Variants in NAV1 observed in about 807,000 individuals in gnomAD.
NAV1 encodes neuron navigator 1, also known as pore membrane and/or filament interacting like protein 3.
A neutral mutation model predicts 175.2 loss-of-function variants in NAV1; 18 were observed. The observed-to-expected ratio is 0.10, with a 90% CI of 0.07 to 0.15. The LOEUF is 0.15. Ranked by LOEUF, NAV1 falls within the 10% of genes least tolerant of loss-of-function variation. The probability of loss-of-function intolerance (pLI) is 1.00; values close to 1 mark genes in which losing one functional copy is unlikely to be tolerated. For synonymous variants in NAV1, 897 were observed against 978.7 expected (o/e 0.92, Z 1.56); for missense variants, 1,731 against 2,436.6 (o/e 0.71, Z 6.10).
intron 1 of NAV1, among the ~76,000 whole-genome samples, chr1:201,551,020 C>T (rs1421548531): frequency 6.6e-6 from 1 of 152,244 alleles, no homozygotes; most frequent in East Asian, 1.9e-4. Flanking sequence ...CTCTCGTTTA[C>T]TCTTCATGGC....
In NAV1 at chr1:201,732,288, G is replaced by A. The variant is rs560344790; in HGVS notation, c.1226+13533G>A. Among the ~76,000 whole-genome samples, 4 of 152,208 alleles carry A rather than the reference G, an allele frequency of 2.6e-5. No individual in the cohort carries two copies. The South Asian group carries it at 8.3e-4, about 32-fold the overall frequency. ...CGATGCTATTTTTAATCCATGCTAA[G>A]TTTAAAATGTAATACAGGCTAATTC... On this transcript the variant is annotated intron_variant, in intron 3 of 29. Transcript: ENST00000367296.
At chr1:201,670,960 G>A (rs924563949) in intron 1 of NAV1, among the ~76,000 whole-genome samples, 2 of 152,172 alleles carry the variant, frequency 1.3e-5, no homozygotes, top group African/African-American at 2.4e-5. Context: ...GGTGCTGGTA[G>A]CACCAATGGT....
At chr1:201,657,134 G>A (rs1168589036) in intron 1 of NAV1, among the ~76,000 whole-genome samples, 1 of 152,220 alleles carries the variant, frequency 6.6e-6, no homozygotes, top group Non-Finnish European at 1.5e-5. Context: ...AAAAGAATCA[G>A]TAATCTAATG....
chr1:201,801,790 T>G (rs899387604), intron 15 of NAV1, among the ~76,000 whole-genome samples: 1 of 152,156 alleles, frequency 6.6e-6, no homozygotes, highest in South Asian at 2.1e-4. Context: ...TGCCTTTGCT[T>G]CAGAATTTCC....
chr1:201,658,102 A>G (rs1370994928), intron 1 of NAV1, among the ~76,000 whole-genome samples: 2 of 152,124 alleles, frequency 1.3e-5, no homozygotes, highest in African/African-American at 2.4e-5. Flanking sequence ...CTTAACCCCT[A>G]TGGTAACCTG....
rs913741076 is a variant in NAV1 at position 201,723,367 on chromosome 1, C to T, written c.1226+4612C>T. 3 of 152,162 alleles carry T rather than the reference C, an allele frequency of 2.0e-5. No homozygotes were observed. The East Asian group carries it at 5.8e-4, about 29-fold the overall frequency. 9.4% of individuals were successfully genotyped at this position (152,162 alleles called of 1,614,324 possible). ...TGTATGATTTGGAGATATTTTCTTT[C>T]ATTCTGTGTATTGGGTTTCCTTTTC... is the stretch of plus-strand genomic sequence containing the variant. On this transcript the variant is annotated intron_variant, in intron 3 of 29. Coordinates refer to ENST00000367296, the Ensembl canonical transcript of NAV1.
intron 1 of NAV1, among the ~76,000 whole-genome samples, chr1:201,708,911 G>T (rs923692360): frequency 6.6e-6 from 1 of 152,238 alleles, no homozygotes; most frequent in Non-Finnish European, 1.5e-5. Context: ...CACTTTGGGG[G>T]GCTGAGTCAG....
intron 2 of NAV1, among the ~76,000 whole-genome samples, chr1:201,640,418 T>A (rs1668717994): frequency 6.6e-6 from 1 of 152,192 alleles, no homozygotes; most frequent in Non-Finnish European, 1.5e-5. Context: ...TCTCCTTTTT[T>A]TTCAGCAAGT....
intron 1 of NAV1, among the ~76,000 whole-genome samples, chr1:201,577,182 A>G (rs1466995543): frequency 1.3e-5 from 2 of 152,158 alleles, no homozygotes; most frequent in Admixed American, 1.3e-4. Context: ...CTCTTTCTGT[A>G]TTATAAGTGC....
chr1:201,720,631 A>G (rs969893971), intron 3 of NAV1, among the ~76,000 whole-genome samples: 2 of 151,946 alleles, frequency 1.3e-5, no homozygotes, highest in African/African-American at 4.8e-5. Context: ...AAACTGGTTC[A>G]CCTCCCCAGG....
intron 1 of NAV1, among the ~76,000 whole-genome samples, chr1:201,543,549 A>G (rs899570595): frequency 1.8e-4 from 27 of 152,050 alleles, no homozygotes; most frequent in African/African-American, 6.3e-4. Flanking sequence ...CCCTGTAAAA[A>G]GACAACAAAA....
chr1:201,697,103 G>A (rs1671223342), intron 1 of NAV1, among the ~76,000 whole-genome samples: 1 of 152,088 alleles, frequency 6.6e-6, no homozygotes, highest in Admixed American at 6.6e-5. Context: ...AGCTAACCTA[G>A]CTCCTTCTTG....
chr1:201,584,062 A>G (rs1571832629), intron 1 of NAV1, among the ~76,000 whole-genome samples: 1 of 152,244 alleles, frequency 6.6e-6, no homozygotes, highest in Non-Finnish European at 1.5e-5. Context: ...TGTACAATGC[A>G]ATTTGGGAAG....
chr1:201,757,459 A>C (rs999978415), intron 3 of NAV1, among the ~76,000 whole-genome samples: 1 of 152,102 alleles, frequency 6.6e-6, no homozygotes, highest in Non-Finnish European at 1.5e-5. Flanking sequence ...ATGAGGTCTC[A>C]CTAAGGCTGG....
At chr1:201,780,502 C>A (rs1237965620) in exon 4 of NAV1, 1 of 1,614,110 alleles carries the variant, frequency 6.2e-7, no homozygotes, top group Non-Finnish European at 8.5e-7. Flanking sequence ...ATGCCAGCTC[C>A]TCACTCAACT....
intron 1 of NAV1, among the ~76,000 whole-genome samples, chr1:201,568,160 G>A (rs1666417810): frequency 6.6e-6 from 1 of 152,154 alleles, no homozygotes; most frequent in African/African-American, 2.4e-5. Flanking sequence ...AGGCAGTGGG[G>A]GGCAGCTGTG....
intron 15 of NAV1, among the ~76,000 whole-genome samples, chr1:201,800,392 T>C (rs1677774461): frequency 1.3e-5 from 2 of 152,188 alleles, no homozygotes; most frequent in Non-Finnish European, 2.9e-5. Flanking sequence ...AAACTAGGGG[T>C]GGGCAAATCA....
chr1:201,687,651 T>A (rs1015670419), intron 1 of NAV1, among the ~76,000 whole-genome samples: 2 of 152,234 alleles, frequency 1.3e-5, no homozygotes, highest in African/African-American at 4.8e-5. Flanking sequence ...AGTTTGCATA[T>A]TTCATGGTAG....
At chr1:201,786,964 G>A (rs575899113) in intron 9 of NAV1, among the ~76,000 whole-genome samples, 11 of 152,322 alleles carry the variant, frequency 7.2e-5, no homozygotes, top group Admixed American at 3.3e-4. Context: ...TCAGGCCGAC[G>A]GGGAGGAAGG....
Sources: allele counts gnomAD v4.1 joint callset (sites outside exome capture counted in the v4.1 genomes callset), GRCh38; gene constraint gnomAD v4.1.1; transcripts MANE v1.5; gene names NCBI Gene and HGNC (gene_info 2026-07-23, HGNC 2026-07-21).